WWOX: variants seen among roughly 807,000 people sequenced by gnomAD.
WWOX encodes WW domain containing oxidoreductase, also known as WW domain-containing oxidoreductase.
In WWOX, 69 loss-of-function variants were observed where a neutral mutation model predicts 46.2. That is an observed-to-expected ratio of 1.49 (90% CI 1.23 to 1.82). The LOEUF is 1.82. WWOX is among the 40% of genes most tolerant of loss of function. The pLI is 0.00. For missense variants in WWOX, 919 were observed against 542.6 expected (o/e 1.69, Z -6.89); for synonymous variants, 359 against 202.6 (o/e 1.77, Z -6.56).
At chr16:79,209,290 C>A (rs909004058) in intron 8 of WWOX, among the ~76,000 whole-genome samples, 5 of 152,292 alleles carry the variant, frequency 3.3e-5, no homozygotes, top group East Asian at 3.9e-4. Context: ...ATCAATGGGA[C>A]TGCAGAATTT....
chr16:78,918,046 T>G (rs1441615241), intron 8 of WWOX, among the ~76,000 whole-genome samples: 1 of 151,810 alleles, frequency 6.6e-6, no homozygotes, highest in Non-Finnish European at 1.5e-5. Context: ...TACAAAATAT[T>G]TTAAAATTAG....
At chr16:78,215,171 G>T (rs1180566394) in intron 5 of WWOX, among the ~76,000 whole-genome samples, 1 of 152,116 alleles carries the variant, frequency 6.6e-6, no homozygotes, top group African/African-American at 2.4e-5. Flanking sequence ...AAGTCCCATG[G>T]GTCATTTTCT....
chr16:78,473,158 C>T (rs2084269052), intron 8 of WWOX, among the ~76,000 whole-genome samples: 1 of 152,186 alleles, frequency 6.6e-6, no homozygotes, highest in Non-Finnish European at 1.5e-5. Context: ...GAGACCGAGT[C>T]TCACTCTGTC....
intron 4 of WWOX, among the ~76,000 whole-genome samples, chr16:78,159,574 A>G (rs560878553): frequency 1.4e-4 from 21 of 151,584 alleles, no homozygotes; most frequent in Middle Eastern, 3.4e-3. Flanking sequence ...TTTCCTGAGA[A>G]TTAGTGACAG....
At chr16:78,924,239 G>T (rs567343428) in intron 8 of WWOX, among the ~76,000 whole-genome samples, 1 of 152,144 alleles carries the variant, frequency 6.6e-6, no homozygotes, top group African/African-American at 2.4e-5. Flanking sequence ...ATTCATAGAC[G>T]TCTTGGAAAA....
intron 5 of WWOX, among the ~76,000 whole-genome samples, chr16:78,379,689 C>G (rs1238565140): frequency 1.3e-5 from 2 of 152,152 alleles, no homozygotes; most frequent in East Asian, 1.9e-4. Context: ...CTTGGGTTCA[C>G]TATGGCGAGA....
intron 8 of WWOX, among the ~76,000 whole-genome samples, chr16:78,654,160 A>G (rs566848695): frequency 6.6e-6 from 1 of 152,324 alleles, no homozygotes; most frequent in East Asian, 1.9e-4. Context: ...TTAGAATCAG[A>G]AAGTGTGAGT....
At position 79,087,093 on chromosome 16, in the gene WWOX, A is replaced by C. The variant is rs188049849; in HGVS notation, c.1057-124515A>C. Among the ~76,000 whole-genome samples, 12 of 152,320 alleles carry C rather than the reference A, an allele frequency of 7.9e-5. No homozygotes were observed. In the East Asian group the frequency reaches 1.9e-3, roughly 25 times the overall value. On this transcript the variant is annotated intron_variant, in intron 8 of 8. Transcript: ENST00000566780. The stretch of plus-strand genomic sequence containing the variant: ...CCCTCTACCAGGCACTGATGGAGTA[A>C]GGATGGAGATGGGAATTGCATTTTA...
chr16:78,101,306 C>CA (rs2031764429), intron 1 of WWOX, among the ~76,000 whole-genome samples: 1 of 135,952 alleles, frequency 7.4e-6, no homozygotes, highest in South Asian at 2.5e-4. Context: ...CTCGGCCTCT[C>CA]AAAGTGCTGG....
chr16:78,378,249 C>G (rs1204745271), intron 5 of WWOX, among the ~76,000 whole-genome samples: 1 of 152,246 alleles, frequency 6.6e-6, no homozygotes, highest in African/African-American at 2.4e-5. Flanking sequence ...TAAAATGTGT[C>G]AAGTCAGTGA....
At chr16:78,629,736 C>G (rs2046385435) in intron 8 of WWOX, among the ~76,000 whole-genome samples, 1 of 152,162 alleles carries the variant, frequency 6.6e-6, no homozygotes, top group Non-Finnish European at 1.5e-5. Flanking sequence ...ATCATTTAGG[C>G]TTCAAATGGA....
chr16:79,077,538 TG>T (rs1349946106), intron 8 of WWOX: 1 of 152,086 alleles, frequency 6.6e-6, no homozygotes, highest in African/African-American at 2.4e-5. Context: ...CTGTGGGGTT[TG>T]TGAGGCTCAT....
intron 8 of WWOX, among the ~76,000 whole-genome samples, chr16:79,152,286 T>G (rs954674366): frequency 6.6e-6 from 1 of 152,028 alleles, no homozygotes; most frequent in African/African-American, 2.4e-5. Flanking sequence ...GACCATGCGA[T>G]GGGGAATGCA....
intron 8 of WWOX, among the ~76,000 whole-genome samples, chr16:78,944,985 C>T (rs576307453): frequency 1.3e-5 from 2 of 152,192 alleles, no homozygotes; most frequent in South Asian, 2.1e-4. Flanking sequence ...TCAAGACCAG[C>T]CTGAGCAACA....
intron 8 of WWOX, among the ~76,000 whole-genome samples, chr16:78,833,115 C>G (rs13338670): frequency 0.2 from 30,147 of 151,024 alleles, 3,127 homozygotes; most frequent in Middle Eastern, 0.33. Flanking sequence ...AATCAGAGAT[C>G]ACTGCAGCCT....
intron 8 of WWOX, among the ~76,000 whole-genome samples, chr16:79,183,077 A>T (rs1259173371): frequency 6.6e-6 from 1 of 152,190 alleles, no homozygotes; most frequent in South Asian, 2.1e-4. Context: ...TTCTCTGGCA[A>T]CCCACTATGG....
chr16:78,879,630 C>T lies in WWOX; in HGVS notation c.1057-331978C>T, dbSNP rs138435018. 5.8e-3 allele frequency among the ~76,000 whole-genome samples: 886 copies of T among 152,284 alleles called. 6 individuals are homozygous for T. Among genetic ancestry groups the T allele is most frequent in the African/African-American group, 0.02 (835 of 41,556 alleles). ...TGATGGTTCACGCCTGTAATCCCAG[C>T]GCTTTGGGAGGCCGAGGCAGGCGGA... On this transcript the variant is annotated intron_variant, in intron 8 of 8. Transcript: ENST00000566780.
At chr16:78,658,553 G>A (rs1228723227) in intron 8 of WWOX, among the ~76,000 whole-genome samples, 2 of 152,178 alleles carry the variant, frequency 1.3e-5, no homozygotes, top group Admixed American at 1.3e-4. Context: ...GGGGCTCTCA[G>A]TGAAAGCCTG....
At chr16:79,018,945 G>T (rs1018291382) in intron 8 of WWOX, among the ~76,000 whole-genome samples, 1 of 151,888 alleles carries the variant, frequency 6.6e-6, no homozygotes, top group African/African-American at 2.4e-5. Flanking sequence ...GAGCTCAGGA[G>T]TTGGAGACAA....
Sources: allele counts gnomAD v4.1 joint callset (sites outside exome capture counted in the v4.1 genomes callset), GRCh38; gene constraint gnomAD v4.1.1; transcripts MANE v1.5; gene names NCBI Gene and HGNC (gene_info 2026-07-23, HGNC 2026-07-21).